NCOA3: variants seen among roughly 807,000 people sequenced by gnomAD.
NCOA3 encodes the protein CBP-interacting protein.
Under a neutral mutation model 158.8 loss-of-function variants are expected in NCOA3, and 51 were observed. The observed-to-expected ratio is 0.32, with a 90% CI of 0.26 to 0.41. The LOEUF (loss-of-function observed/expected upper bound fraction) is 0.41, where lower values mean the gene tolerates loss of function less well. Ranked by LOEUF, NCOA3 falls within the 10% of genes least tolerant of loss-of-function variation. The probability of loss-of-function intolerance (pLI) is 1.00; values close to 1 mark genes in which losing one functional copy is unlikely to be tolerated. For synonymous variants in NCOA3, 537 were observed against 592.4 expected (o/e 0.91, Z 1.36); for missense variants, 1,510 against 1,746.6 (o/e 0.86, Z 2.41).
intron 2 of NCOA3, among the ~76,000 whole-genome samples, chr20:47,611,990 A>G (rs921368408): frequency 6.6e-6 from 1 of 151,884 alleles, no homozygotes; most frequent in Non-Finnish European, 1.5e-5. Flanking sequence ...ACGCTTGGCT[A>G]AGTGTTTTGT....
At chr20:47,562,106 TAC>T (rs2085116636) in intron 1 of NCOA3, among the ~76,000 whole-genome samples, 1 of 152,212 alleles carries the variant, frequency 6.6e-6, no homozygotes, top group African/African-American at 2.4e-5. Flanking sequence ...CGTATTTCTT[TAC>T]AGTGCTGAAT....
At chr20:47,585,034 C>CTT (rs2085513188) in intron 2 of NCOA3, among the ~76,000 whole-genome samples, 1 of 149,956 alleles carries the variant, frequency 6.7e-6, no homozygotes, top group African/African-American at 2.5e-5. Context: ...TTTCATCTAA[C>CTT]CCCTTTCTTA....
At position 47,525,226 on chromosome 20, in the gene NCOA3, G is replaced by A. The variant is rs1382516202; in HGVS notation, c.-99+23207G>A. Among the ~76,000 whole-genome samples, 17 of 151,870 alleles carry A rather than the reference G, an allele frequency of 1.1e-4. No individual in the cohort carries two copies. In the East Asian group the frequency reaches 2.1e-3, roughly 19 times the overall value. ...TCAACCCTGAGTGGACACAGCACAT[G>A]TTTCAGAGAGCACAGGGTTGGGGGT... On this transcript the variant is annotated intron_variant, in intron 1 of 22. Transcript: ENST00000371998.
At chr20:47,512,341 C>T (rs569488500) in intron 1 of NCOA3, among the ~76,000 whole-genome samples, 3 of 151,822 alleles carry the variant, frequency 2.0e-5, no homozygotes, top group African/African-American at 2.4e-5. Context: ...GAGGCTGAGG[C>T]GGGCGGATCG....
At chr20:47,637,309 T>A (rs960100306) in intron 12 of NCOA3, among the ~76,000 whole-genome samples, 1 of 152,210 alleles carries the variant, frequency 6.6e-6, no homozygotes, top group Non-Finnish European at 1.5e-5. Flanking sequence ...TCACACTTAT[T>A]TTCAGAAGGT....
At chr20:47,599,531 A>G (rs370266333) in intron 2 of NCOA3, among the ~76,000 whole-genome samples, 24 of 152,358 alleles carry the variant, frequency 1.6e-4, no homozygotes, top group African/African-American at 4.1e-4. Context: ...AGCATATAAT[A>G]TGTGAATTAA....
chr20:47,598,128 T>C (rs889690174), intron 2 of NCOA3, among the ~76,000 whole-genome samples: 1 of 148,934 alleles, frequency 6.7e-6, no homozygotes, highest in Admixed American at 6.7e-5. Flanking sequence ...GCGCCTGTAG[T>C]CCCAGCTACT....
rs147627589 is a variant in NCOA3, at chr20:47,597,552, G to A, written c.-20+14291G>A. On this transcript the variant is annotated intron_variant, in intron 2 of 22. Coordinates refer to ENST00000371998, the MANE Select transcript of NCOA3 (RefSeq NM_181659.3). The stretch of plus-strand genomic sequence containing the variant: ...CGCCTAGGCTGGAGTGCAGTGGTGC[G>A]ATCTCGGCTAACTGTAACCTCTGCC... Among the ~76,000 whole-genome samples the A allele has an allele frequency of 9.7e-3, 1,454 of 150,572 alleles. 15 individuals are homozygous for A. Among genetic ancestry groups the A allele is most frequent in the Non-Finnish European group, 0.014 (974 of 67,690 alleles).
At chr20:47,519,149 A>G (rs1473167266) in intron 1 of NCOA3, among the ~76,000 whole-genome samples, 62 of 122,150 alleles carry the variant, frequency 5.1e-4, no homozygotes, top group Non-Finnish European at 2.4e-4. Flanking sequence ...AAAAAAAAAG[A>G]AAAAGCCAGG....
chr20:47,604,822 A>G (rs1234809010), intron 2 of NCOA3, among the ~76,000 whole-genome samples: 1 of 152,162 alleles, frequency 6.6e-6, no homozygotes, highest in Non-Finnish European at 1.5e-5. Flanking sequence ...ATCTTTTGAT[A>G]TTGATGAATT....
At chr20:47,631,071 T>C (rs2086408468) in intron 8 of NCOA3, 1 of 152,212 alleles carries the variant, frequency 6.6e-6, no homozygotes, top group Non-Finnish European at 1.5e-5. Context: ...TCAAAAACTG[T>C]GTGACCAGTT....
At chr20:47,593,842 T>C (rs2085695889) in intron 2 of NCOA3, among the ~76,000 whole-genome samples, 1 of 152,194 alleles carries the variant, frequency 6.6e-6, no homozygotes, top group Admixed American at 6.5e-5. Flanking sequence ...ATTAGTAGTA[T>C]GGGAAAAGAA....
chr20:47,568,610 G>C (rs1487375896), intron 1 of NCOA3, among the ~76,000 whole-genome samples: 1 of 152,078 alleles, frequency 6.6e-6, no homozygotes, highest in Non-Finnish European at 1.5e-5. Context: ...GGGCAACATG[G>C]CAAGATTCCA....
At chr20:47,589,893 A>G (rs2085599509) in intron 2 of NCOA3, among the ~76,000 whole-genome samples, 2 of 152,098 alleles carry the variant, frequency 1.3e-5, no homozygotes, top group South Asian at 4.1e-4. Flanking sequence ...TACCAGGCCC[A>G]TAAACATTGA....
chr20:47,510,310 G>C (rs1309566207), intron 1 of NCOA3, among the ~76,000 whole-genome samples: 1 of 151,370 alleles, frequency 6.6e-6, no homozygotes, highest in African/African-American at 2.4e-5. Context: ...GCGGGTGCCT[G>C]TAATCCCAGC....
At chr20:47,595,938 CAG>C (rs1482964018) in intron 2 of NCOA3, among the ~76,000 whole-genome samples, 3 of 152,134 alleles carry the variant, frequency 2.0e-5, no homozygotes, top group Non-Finnish European at 2.9e-5. Flanking sequence ...ATACCTCACT[CAG>C]ATGTTAGAGC....
chr20:47,573,623 A>C (rs2085329216), intron 1 of NCOA3, among the ~76,000 whole-genome samples: 1 of 152,234 alleles, frequency 6.6e-6, no homozygotes, highest in African/African-American at 2.4e-5. Context: ...AAAGCACAAT[A>C]AAATGAGGTA....
At chr20:47,547,840 C>T (rs751903860) in intron 1 of NCOA3, among the ~76,000 whole-genome samples, 7 of 151,958 alleles carry the variant, frequency 4.6e-5, no homozygotes, top group South Asian at 2.1e-4. Flanking sequence ...CTTAGCCTCC[C>T]GAGTAGCTAG....
At chr20:47,588,158 T>TTTTTA (rs2085567106) in intron 2 of NCOA3, among the ~76,000 whole-genome samples, 1 of 130,136 alleles carries the variant, frequency 7.7e-6, no homozygotes, top group Non-Finnish European at 1.6e-5. Context: ...TTTTTTTTTT[T>TTTTTA]GAGGCAGTCT....
Sources: gnomAD v4.1 joint callset for allele counts (sites outside exome capture counted in the v4.1 genomes callset) on GRCh38, gnomAD v4.1.1 for gene constraint, MANE v1.5 for transcripts, NCBI Gene and HGNC (gene_info 2026-07-23, HGNC 2026-07-21) for gene names.